Variants in NKAIN3 observed in about 807,000 individuals in gnomAD.
NKAIN3 encodes the protein sodium/potassium transporting ATPase interacting 3, also known as sodium/potassium-transporting ATPase subunit beta-1-interacting protein 3.
In NKAIN3, 25 loss-of-function variants were observed where a neutral mutation model predicts 30.2. The observed-to-expected ratio is 0.83, with a 90% CI of 0.60 to 1.16. NKAIN3 has a LOEUF of 1.16. NKAIN3 is among the 50% of genes most tolerant of loss of function. The probability of loss-of-function intolerance (pLI) is 0.00; values close to 1 mark genes in which losing one functional copy is unlikely to be tolerated. For missense variants in NKAIN3, 225 were observed against 254.1 expected, an observed-to-expected ratio of 0.89 and a Z score of 0.78; for synonymous variants, 91 against 89.6, an observed-to-expected ratio of 1.02 and a Z score of -0.09.
intron 1 of NKAIN3, among the ~76,000 whole-genome samples, chr8:62,391,229 C>G (rs181509563): frequency 1.3e-5 from 2 of 152,234 alleles, no homozygotes; most frequent in East Asian, 1.9e-4. Context: ...AAACCCAAAA[C>G]TATATGTACC....
At chr8:62,639,792 G>A (rs1286337969) in intron 3 of NKAIN3, among the ~76,000 whole-genome samples, 1 of 152,052 alleles carries the variant, frequency 6.6e-6, no homozygotes, top group Non-Finnish European at 1.5e-5. Context: ...GATGAGAAGT[G>A]AAGTGGTTTT....
At chr8:62,775,330 TTTTG>T (rs56393667) in intron 4 of NKAIN3, among the ~76,000 whole-genome samples, 29,338 of 151,776 alleles carry the variant, frequency 0.19, 3,194 homozygotes, top group East Asian at 0.29. Context: ...AATGTGTTGA[TTTTG>T]TTTATCTTTT....
At chr8:62,428,529 A>T (rs752008368) in intron 1 of NKAIN3, among the ~76,000 whole-genome samples, 6 of 151,808 alleles carry the variant, frequency 4.0e-5, no homozygotes, top group Non-Finnish European at 7.4e-5. Flanking sequence ...TGACTTTTTG[A>T]TAATAGTCAT....
At position 62,758,566 on chromosome 8, in the gene NKAIN3, G is replaced by A. The variant is rs985013531; in HGVS notation, c.471+11437G>A. ...TCAATTATCTAAGATAAACACTTTTGGAAATACTCCCAGGAAAGACAGGGG... is the reference window on the plus strand; with the variant it reads ...TCAATTATCTAAGATAAACACTTTTAGAAATACTCCCAGGAAAGACAGGGG... On this transcript the variant is annotated intron_variant, in intron 4 of 6. Coordinates refer to ENST00000623646, the MANE Select transcript of NKAIN3 (RefSeq NM_001304533.3). 2.0e-5 allele frequency among the ~76,000 whole-genome samples: 3 copies of A among 152,172 alleles called. No individual in the cohort carries two copies. The South Asian group carries it at 6.2e-4, about 32-fold the overall frequency.
Position 62,973,619 on chromosome 8 carries a change from G to A in NKAIN3, c.*8212G>A, listed in dbSNP as rs1277299965. ...TTTTCTCCCATTCTGTAGGTTGCCT[G>A]TTCACTCTGATAATAGTTTCTTTTG... On this transcript the variant is annotated 3_prime_UTR_variant, in exon 7 of 7. Transcript: ENST00000623646. 6.6e-6 allele frequency among the ~76,000 whole-genome samples: 1 copy of A among 152,098 alleles called. No homozygotes were observed. The highest frequency in any genetic ancestry group is 1.5e-5 in the Non-Finnish European group (1 of 68,014).
chr8:62,264,502 T>C (rs1812547049), intron 1 of NKAIN3, among the ~76,000 whole-genome samples: 1 of 152,208 alleles, frequency 6.6e-6, no homozygotes, highest in African/African-American at 2.4e-5. Context: ...CCTTCCTTAT[T>C]ACTCCTTCCC....
At chr8:62,350,150 C>G (rs77851343) in intron 1 of NKAIN3, among the ~76,000 whole-genome samples, 13,630 of 152,166 alleles carry the variant, frequency 0.09, 821 homozygotes, top group African/African-American at 0.16. Context: ...GGGACTCAAA[C>G]AGATATTTTC....
At chr8:62,420,012 C>T (rs1804583917) in intron 1 of NKAIN3, among the ~76,000 whole-genome samples, 1 of 152,142 alleles carries the variant, frequency 6.6e-6, no homozygotes, top group African/African-American at 2.4e-5. Context: ...TTACAGCCCA[C>T]AACCATGTCA....
intron 3 of NKAIN3, among the ~76,000 whole-genome samples, chr8:62,615,901 T>C (rs939298947): frequency 2.0e-5 from 3 of 152,086 alleles, no homozygotes; most frequent in Non-Finnish European, 4.4e-5. Context: ...TCAGTGCCTC[T>C]TTCAGCAATA....
intron 4 of NKAIN3, among the ~76,000 whole-genome samples, chr8:62,819,492 G>A (rs537375151): frequency 4.6e-5 from 7 of 151,972 alleles, no homozygotes; most frequent in South Asian, 4.1e-4. Flanking sequence ...ATTATTTAGC[G>A]CCTAATCTTC....
At chr8:62,883,108 G>A (rs972979665) in intron 4 of NKAIN3, among the ~76,000 whole-genome samples, 1 of 152,136 alleles carries the variant, frequency 6.6e-6, no homozygotes, top group East Asian at 1.9e-4. Context: ...AACTTTCTGG[G>A]ATTTTGATTG....
intron 4 of NKAIN3, among the ~76,000 whole-genome samples, chr8:62,842,020 T>C (rs113405804): frequency 0.017 from 2,591 of 152,236 alleles, 70 homozygotes; most frequent in African/African-American, 0.058. Flanking sequence ...TAAATAGATA[T>C]CTTGTTGTGG....
intron 1 of NKAIN3, among the ~76,000 whole-genome samples, chr8:62,282,952 T>C (rs917585893): frequency 3.9e-5 from 6 of 152,200 alleles, no homozygotes; most frequent in Admixed American, 2.0e-4. Context: ...AAGCCATTTC[T>C]GTAGCATCTT....
chr8:62,907,427 G>A (rs977067833), intron 4 of NKAIN3, among the ~76,000 whole-genome samples: 2 of 152,154 alleles, frequency 1.3e-5, no homozygotes, highest in Non-Finnish European at 1.5e-5. Flanking sequence ...AATTCAAGCT[G>A]GCTGCAGAAA....
chr8:62,858,184 A>G (rs1236614900), intron 4 of NKAIN3, among the ~76,000 whole-genome samples: 1 of 152,016 alleles, frequency 6.6e-6, no homozygotes, highest in Non-Finnish European at 1.5e-5. Flanking sequence ...AGGTATCACC[A>G]CCGAAGTCTG....
At chr8:62,461,763 A>T (rs1806007873) in intron 1 of NKAIN3, among the ~76,000 whole-genome samples, 1 of 152,206 alleles carries the variant, frequency 6.6e-6, no homozygotes. Flanking sequence ...GAGGTTATTC[A>T]GTGAGAGTAA....
At chr8:62,422,292 A>C (rs1804665541) in intron 1 of NKAIN3, among the ~76,000 whole-genome samples, 1 of 152,126 alleles carries the variant, frequency 6.6e-6, no homozygotes, top group Non-Finnish European at 1.5e-5. Context: ...TTCCTAGAAA[A>C]ACAATGTGGT....
intron 3 of NKAIN3, among the ~76,000 whole-genome samples, chr8:62,706,140 A>T (rs1458506624): frequency 6.6e-6 from 1 of 152,122 alleles, no homozygotes; most frequent in African/African-American, 2.4e-5. Context: ...TTCTATCTAC[A>T]GGAAGGGGTC....
At chr8:62,747,626 T>C (rs1026313781) in intron 4 of NKAIN3, among the ~76,000 whole-genome samples, 4 of 152,186 alleles carry the variant, frequency 2.6e-5, no homozygotes, top group African/African-American at 9.7e-5. Context: ...CAATTCCATA[T>C]ACAGAAACGA....
Sources: gnomAD v4.1 joint callset for allele counts (sites outside exome capture counted in the v4.1 genomes callset) on GRCh38, gnomAD v4.1.1 for gene constraint, MANE v1.5 for transcripts, NCBI Gene and HGNC (gene_info 2026-07-23, HGNC 2026-07-21) for gene names.